Variants in MYO15B observed in about 807,000 individuals in gnomAD.
The protein encoded by MYO15B is myosin XVB pseudogene.
Under a neutral mutation model 119.3 loss-of-function variants are expected in MYO15B, and 207 were observed. That is an observed-to-expected ratio of 1.73 (90% CI 1.55 to 1.95). The LOEUF (loss-of-function observed/expected upper bound fraction) is 1.95. Among genes scored for constraint, MYO15B ranks in the 30% most tolerant of loss-of-function variants. The pLI, the probability that MYO15B is intolerant of heterozygous loss-of-function variation, is 0.00. For missense variants in MYO15B, 2,264 were observed against 1,203.1 expected, an observed-to-expected ratio of 1.88 and a Z score of -13.04; for synonymous variants, 966 against 498.9, an observed-to-expected ratio of 1.94 and a Z score of -12.48.
At chr17:75,595,659 G>A (rs377084336) in intron 12 of MYO15B, among the ~76,000 whole-genome samples, 2 of 152,248 alleles carry the variant, frequency 1.3e-5, no homozygotes, top group South Asian at 4.1e-4. Flanking sequence ...CCTTTGGCAT[G>A]GCCTGTCCTC....
chr17:75,609,159 G>T (rs1309103717), intron 21 of MYO15B, among the ~76,000 whole-genome samples: 2 of 151,882 alleles, frequency 1.3e-5, no homozygotes, highest in African/African-American at 4.8e-5. Flanking sequence ...ATACGGGTAT[G>T]AGCCATTGCA....
intron 12 of MYO15B, among the ~76,000 whole-genome samples, chr17:75,595,405 GTCC>G (rs962945626): frequency 6.6e-6 from 1 of 152,158 alleles, no homozygotes; most frequent in Non-Finnish European, 1.5e-5. Context: ...GGCCCGTGCT[GTCC>G]TCCTGCTGGG....
rs1598670441 is a variant in MYO15B, at chr17:75,588,675, C to CGCTG, written c.619_620insCTGG (p.Asp207AlafsTer226). The CGCTG allele has an allele frequency of 1.5e-4, 61 of 399,940 alleles. 1 individual carries two copies. In the East Asian group the frequency reaches 2.2e-3, roughly 14 times the overall value. The allele number at this position is 399,940 out of a possible 1,614,324, so 24.8% of individuals were successfully genotyped here. A position where few individuals can be genotyped will look rare whatever the true frequency, so the allele number is the denominator to read the frequency against. On this transcript the variant is annotated frameshift_variant, in exon 1 of 64. Transcript: ENST00000645453. LOFTEE classifies it high-confidence loss of function. ...CGGAGTCAGCGCTGGAGCCAAGCAG[C>CGCTG]GACGGCCTGGACAGCGACTGGCCCC...
chr17:75,594,308 A>G (rs1456990403), intron 9 of MYO15B, among the ~76,000 whole-genome samples, 167 bp from the exon 10 acceptor site: 1 of 152,176 alleles, frequency 6.6e-6, no homozygotes, highest in African/African-American at 2.4e-5. Context: ...ACTCGAACTC[A>G]GGGCCCTGAA....
At chr17:75,597,078 C>A (rs1161571879) in intron 14 of MYO15B, among the ~76,000 whole-genome samples, 179 bp downstream of exon 14, 1 of 152,188 alleles carries the variant, frequency 6.6e-6, no homozygotes, top group African/African-American at 2.4e-5. Flanking sequence ...ACCCTGGGCT[C>A]CCGCAGAGCT....
chr17:75,623,194 G>T (rs936787159), intron 53 of MYO15B, among the ~76,000 whole-genome samples: 3 of 152,186 alleles, frequency 2.0e-5, no homozygotes, highest in Non-Finnish European at 4.4e-5. Context: ...AGCTGGGCGT[G>T]GTGGAGCACA....
intron 14 of MYO15B, among the ~76,000 whole-genome samples, chr17:75,597,434 C>G (rs772491169): frequency 8.5e-5 from 13 of 152,212 alleles, no homozygotes; most frequent in Non-Finnish European, 1.6e-4. Flanking sequence ...GACTCCTTAC[C>G]GCGCCAGACT....
chr17:75,621,770 T>C (rs959694334), intron 52 of MYO15B, 200 bp downstream of exon 52: 5 of 600,692 alleles, frequency 8.3e-6, no homozygotes, highest in Non-Finnish European at 1.5e-5. Context: ...GAGTCTGGGG[T>C]TGGAAGGCAG....
chr17:75,607,434 T>TATTATTATTATTGGTTAATAATTA (rs2057729225), intron 21 of MYO15B, among the ~76,000 whole-genome samples: 1 of 11,984 alleles, frequency 8.3e-5, no homozygotes, highest in Non-Finnish European at 7.1e-4. Context: ...AATAATTAAT[T>TATTATTATTATTGGTTAATAATTA]ATTATTATTA....
chr17:75,616,091 A>G, exon 37 of MYO15B: 1 of 578,364 alleles, frequency 1.7e-6, no homozygotes. Flanking sequence ...GAGGCTGAAG[A>G]CAGGCCCTAT....
chr17:75,589,512 G>C lies in MYO15B; in HGVS notation c.1455G>C (p.Glu485Asp). 2.5e-6 allele frequency: 1 copy of C among 398,664 alleles called. No homozygotes were observed. Among genetic ancestry groups the C allele is most frequent in the Non-Finnish European group, 4.4e-6 (1 of 226,120 alleles). 24.7% of individuals were successfully genotyped at this position (398,664 alleles called of 1,614,324 possible). ...GCCGGGACCACCAGAGAGGGTACGA[G>C]GGGTGGGGCCGTGAGCCCGGGCTGC... is the stretch of plus-strand genomic sequence containing the variant. The change falls in exon 1 of 64, where the codon GAG (glutamate) becomes GAC (aspartate). Residue 485 changes from glutamate to aspartate, a missense_variant. Glu to Asp is a conservative substitution (Grantham distance 45, BLOSUM62 2). Coordinates refer to ENST00000645453, the Ensembl canonical transcript of MYO15B. This position sits in a 1 kb window ranked among gnomAD's most constrained non-coding sequence, Gnocchi z 4.2.
chr17:75,602,626 C>T (rs1410210045), intron 16 of MYO15B, 32 bp downstream of exon 16: 4 of 640,282 alleles, frequency 6.2e-6, no homozygotes, highest in Non-Finnish European at 1.1e-5. Flanking sequence ...CCCCCACCCG[C>T]TCCATACTCT....
intron 41 of MYO15B, chr17:75,617,577 G>C (rs866531575): frequency 9.9e-5 from 49 of 495,904 alleles, no homozygotes; most frequent in Non-Finnish European, 1.4e-4. Context: ...GAGGAAGTTA[G>C]TGGCCCTGGC....
intron 5 of MYO15B, 85 bp downstream of exon 5, chr17:75,591,797 A>G (rs1358949746): frequency 2.4e-5 from 17 of 693,964 alleles, no homozygotes; most frequent in South Asian, 1.5e-4. Flanking sequence ...CCAAGGGACT[A>G]TCTTTCTCCT....
exon 6 of MYO15B, chr17:75,592,069 C>G (rs736524): frequency 1.4e-6 from 1 of 702,892 alleles, no homozygotes; most frequent in African/African-American, 1.7e-5. Flanking sequence ...TCTTCTGCCT[C>G]TACCTACAGC....
intron 43 of MYO15B, among the ~76,000 whole-genome samples, chr17:75,618,681 CTA>C (rs1296988091): frequency 6.6e-6 from 1 of 152,218 alleles, no homozygotes; most frequent in Non-Finnish European, 1.5e-5. Context: ...CATTATTCAT[CTA>C]GTTTTATAGA....
At chr17:75,602,423 G>A (rs2057342163) in intron 15 of MYO15B, 94 bp from the exon 16 acceptor site, 1 of 702,286 alleles carries the variant, frequency 1.4e-6, no homozygotes, top group Non-Finnish European at 2.6e-6. Flanking sequence ...TGGGGAGAGG[G>A]TAGATTCTTC....
chr17:75,607,349 C>G (rs899649194), intron 21 of MYO15B, among the ~76,000 whole-genome samples: 3 of 151,938 alleles, frequency 2.0e-5, no homozygotes, highest in Admixed American at 1.3e-4. Flanking sequence ...GCTTCTTTCA[C>G]TTAACATAAT....
chr17:75,626,312 CAGGCCG>C, intron 63 of MYO15B, 84 bp downstream of exon 63: 2 of 698,426 alleles, frequency 2.9e-6, no homozygotes, highest in South Asian at 3.0e-5. Context: ...AGCCCAGGCC[CAGGCCG>C]ATGCCCACTG....
Sources: allele counts gnomAD v4.1 joint callset (sites outside exome capture counted in the v4.1 genomes callset), GRCh38; gene constraint gnomAD v4.1.1; non-coding constraint Gnocchi (gnomAD v3.1); transcripts MANE v1.5; gene names NCBI Gene and HGNC (gene_info 2026-07-23, HGNC 2026-07-21).